SYN3: variants seen among roughly 807,000 people sequenced by gnomAD.
SYN3 encodes the protein synapsin-3.
In SYN3, 35 loss-of-function variants were observed where a neutral mutation model predicts 65.8. That is an observed-to-expected ratio of 0.53 (90% CI 0.41 to 0.70). The LOEUF is 0.70. Ranked by LOEUF, SYN3 falls within the 30% of genes least tolerant of loss-of-function variation. The pLI, the probability that SYN3 is intolerant of heterozygous loss-of-function variation, is 0.00. For synonymous variants in SYN3, 270 were observed against 292.9 expected (o/e 0.92, Z 0.80); for missense variants, 680 against 749.0 (o/e 0.91, Z 1.08).
intron 6 of SYN3, among the ~76,000 whole-genome samples, chr22:32,729,329 C>T (rs117936288): frequency 2.0e-5 from 3 of 152,238 alleles, no homozygotes; most frequent in East Asian, 1.9e-4. Context: ...AGCGTGATCC[C>T]GATTCAGTGG....
intron 4 of SYN3, among the ~76,000 whole-genome samples, chr22:32,908,378 G>C (rs964422001): frequency 1.5e-5 from 2 of 136,650 alleles, no homozygotes; most frequent in Non-Finnish European, 3.1e-5. Context: ...GAGCCACCAC[G>C]CCTAGCCTTT....
At chr22:32,686,194 C>G (rs2060586162) in intron 6 of SYN3, among the ~76,000 whole-genome samples, 1 of 151,992 alleles carries the variant, frequency 6.6e-6, no homozygotes, top group Non-Finnish European at 1.5e-5. Flanking sequence ...ATTTGAGTTA[C>G]TCTCTTATCA....
chr22:33,041,032 A>G (rs1282696531), intron 1 of SYN3, among the ~76,000 whole-genome samples: 1 of 151,336 alleles, frequency 6.6e-6, no homozygotes, highest in Non-Finnish European at 1.5e-5. Flanking sequence ...CTCCTGCCTC[A>G]GCCTCCCGAG....
intron 7 of SYN3, among the ~76,000 whole-genome samples, chr22:32,577,743 C>G (rs1230279041): frequency 6.6e-6 from 1 of 152,224 alleles, no homozygotes; most frequent in Non-Finnish European, 1.5e-5. Flanking sequence ...GGCCTCCTCC[C>G]TGTTCCTTGA....
At chr22:33,005,631 G>A (rs1178731101) in intron 2 of SYN3, among the ~76,000 whole-genome samples, 2 of 152,246 alleles carry the variant, frequency 1.3e-5, no homozygotes, top group Non-Finnish European at 2.9e-5. Flanking sequence ...AGCACTGTCT[G>A]AGAAGAGGCT....
At chr22:32,738,455 A>G (rs2061361550) in intron 6 of SYN3, among the ~76,000 whole-genome samples, 1 of 152,238 alleles carries the variant, frequency 6.6e-6, no homozygotes, top group Non-Finnish European at 1.5e-5. Context: ...GGCAAATGCA[A>G]AGCGCCAAGA....
chr22:32,524,686 G>A (rs1192025965), intron 12 of SYN3, among the ~76,000 whole-genome samples: 1 of 152,176 alleles, frequency 6.6e-6, no homozygotes, highest in East Asian at 1.9e-4. Context: ...GGATCAAGGA[G>A]TAATTTAAAA....
intron 6 of SYN3, among the ~76,000 whole-genome samples, chr22:32,641,607 CAAAAAAAAAAA>C (rs34461957): frequency 1.5e-3 from 104 of 67,966 alleles, no homozygotes; most frequent in African/African-American, 4.8e-3. Context: ...GACTCCATCT[CAAAAAAAAAAA>C]AAAAAAAAAA....
At chr22:33,035,847 T>C (rs2053849596) in intron 1 of SYN3, among the ~76,000 whole-genome samples, 2 of 152,310 alleles carry the variant, frequency 1.3e-5, no homozygotes, top group South Asian at 4.1e-4. Context: ...TCTACCAAAG[T>C]GTTGGGATTA....
At chr22:32,863,725 C>T (rs1170843772) in intron 6 of SYN3, among the ~76,000 whole-genome samples, 1 of 152,152 alleles carries the variant, frequency 6.6e-6, no homozygotes, top group Admixed American at 6.5e-5. Context: ...CCTGACTACT[C>T]GATGAGGTTG....
chr22:32,898,912 C>T (rs144074366), intron 4 of SYN3, among the ~76,000 whole-genome samples: 1,803 of 152,244 alleles, frequency 0.012, 35 homozygotes, highest in African/African-American at 0.041. Context: ...ACCATCCTAG[C>T]CAACATGGTG....
intron 6 of SYN3, among the ~76,000 whole-genome samples, chr22:32,803,037 G>C (rs2046632522): frequency 6.6e-6 from 1 of 152,062 alleles, no homozygotes; most frequent in Non-Finnish European, 1.5e-5. Context: ...GGCTTGTCTG[G>C]GAGTGTTTGG....
chr22:32,542,571 C>T (rs111243123), intron 7 of SYN3, among the ~76,000 whole-genome samples: 6,082 of 147,104 alleles, frequency 0.041, 155 homozygotes, highest in East Asian at 0.12. Context: ...GGTGTGTTTG[C>T]TGTGTGTGGT....
intron 6 of SYN3, among the ~76,000 whole-genome samples, chr22:32,625,856 G>T (rs2059658870): frequency 6.6e-6 from 1 of 152,178 alleles, no homozygotes; most frequent in Non-Finnish European, 1.5e-5. Context: ...CACATTTTTG[G>T]ATGCTTAGTC....
chr22:32,569,649 A>G (rs907834503), intron 7 of SYN3, among the ~76,000 whole-genome samples: 1 of 151,764 alleles, frequency 6.6e-6, no homozygotes, highest in African/African-American at 2.4e-5. Flanking sequence ...TTTTAAAAAT[A>G]CGAAATACTC....
intron 6 of SYN3, among the ~76,000 whole-genome samples, chr22:32,803,380 G>T (rs1396809480): frequency 6.6e-6 from 1 of 152,018 alleles, no homozygotes; most frequent in Non-Finnish European, 1.5e-5. Flanking sequence ...GGCCGGGAGG[G>T]GCACTGCTGG....
intron 6 of SYN3, among the ~76,000 whole-genome samples, chr22:32,742,109 TAAAAAAATAC>T (rs1327629658): frequency 6.6e-6 from 1 of 151,334 alleles, no homozygotes; most frequent in Non-Finnish European, 1.5e-5. Context: ...CCACCTCTAC[TAAAAAAATAC>T]AAAAAAATTA....
chr22:32,632,269 G>A (rs2059757452), intron 6 of SYN3, among the ~76,000 whole-genome samples: 1 of 152,214 alleles, frequency 6.6e-6, no homozygotes, highest in Non-Finnish European at 1.5e-5. Flanking sequence ...AAAGAGACTT[G>A]AACTGGCAAC....
intron 4 of SYN3, among the ~76,000 whole-genome samples, chr22:32,916,480 T>C (rs534057770): frequency 2.2e-4 from 34 of 152,346 alleles, no homozygotes; most frequent in African/African-American, 7.9e-4. Context: ...CAAGTTCAAT[T>C]TTTTTTCTTG....
Sources: gnomAD v4.1 joint callset for allele counts (sites outside exome capture counted in the v4.1 genomes callset) on GRCh38, gnomAD v4.1.1 for gene constraint, MANE v1.5 for transcripts, NCBI Gene and HGNC (gene_info 2026-07-23, HGNC 2026-07-21) for gene names.